Variants in JAK1 observed in about 807,000 individuals in gnomAD.
The protein encoded by JAK1 is Janus kinase 1.
In JAK1, 16 loss-of-function variants were observed where a neutral mutation model predicts 136.6. The ratio of observed to expected loss-of-function variants is 0.12; its 90% CI spans 0.08 to 0.18. JAK1 has a LOEUF of 0.18. Among genes scored for constraint, JAK1 ranks in the 10% least tolerant of loss-of-function variants. JAK1 has a pLI of 1.00. For synonymous variants in JAK1, 492 were observed against 519.5 expected (o/e 0.95, Z 0.72); for missense variants, 859 against 1,450.1 (o/e 0.59, Z 6.62).
At chr1:64,966,723 C>G (rs1358963479), upstream of JAK1, among the ~76,000 whole-genome samples, 3 of 150,138 alleles carry the variant, frequency 2.0e-5, no homozygotes, top group South Asian at 4.2e-4. Context: ...CGGCTTCGCT[C>G]GCGAAGCTGC....
chr1:64,858,657 G>C (rs1457369858), intron 9 of JAK1, among the ~76,000 whole-genome samples: 2 of 152,206 alleles, frequency 1.3e-5, no homozygotes, highest in African/African-American at 4.8e-5. Context: ...CCCTGTGTGT[G>C]CTAAGAAAGC....
chr1:65,022,836 A>T (rs1646948102), intron 2 of JAK1: 1 of 152,164 alleles, frequency 6.6e-6, no homozygotes, highest in South Asian at 2.1e-4. Flanking sequence ...CAAAGGAGAA[A>T]CTAATCAGGG....
At chr1:64,982,102 GCACACACACACGCACACACACGCACACA>G (rs1406555570) in intron 2 of JAK1, among the ~76,000 whole-genome samples, 2 of 129,546 alleles carry the variant, frequency 1.5e-5, no homozygotes, top group African/African-American at 3.2e-5. Flanking sequence ...ACACACACAC[GCACACACACACGCACACACACGCACACA>G]CACACACATA....
chr1:65,022,777 T>C (rs1470463066), intron 2 of JAK1, among the ~76,000 whole-genome samples: 3 of 152,178 alleles, frequency 2.0e-5, no homozygotes, highest in Admixed American at 1.3e-4. Context: ...AAAATATTCA[T>C]TGGGAAAAAT....
intron 2 of JAK1, chr1:64,985,313 A>G: frequency 6.2e-7 from 1 of 1,610,642 alleles, no homozygotes; most frequent in Non-Finnish European, 8.5e-7. Flanking sequence ...TGGATACTCT[A>G]AAGAGCTCCA....
intron 1 of JAK1, among the ~76,000 whole-genome samples, chr1:65,053,645 G>C (rs12738806): frequency 0.66 from 101,138 of 152,124 alleles, 34,907 homozygotes; most frequent in Non-Finnish European, 0.76. Context: ...GAGCCCAGGA[G>C]TTCAAGATCA....
In JAK1 at chr1:65,017,155, A is replaced by T. The variant is rs368955844; in HGVS notation, c.-78+27325T>A. On this transcript the variant is annotated intron_variant, in intron 2 of 25. Transcript: ENST00000671954. Reference sequence around the variant, plus strand: ...AAATTAAAAAATACATCTCCCGATAATTGATAGAACAAGAAAAATCATTAA... The same window carrying T: ...AAATTAAAAAATACATCTCCCGATATTTGATAGAACAAGAAAAATCATTAA... Among the ~76,000 whole-genome samples, 30 of 152,296 alleles carry T rather than the reference A, an allele frequency of 2.0e-4. No individual in the cohort carries two copies. In the East Asian group the frequency reaches 4.6e-3, roughly 23 times the overall value.
intron 1 of JAK1, among the ~76,000 whole-genome samples, chr1:64,935,168 A>T (rs1445364015): frequency 6.6e-6 from 1 of 152,190 alleles, no homozygotes; most frequent in Non-Finnish European, 1.5e-5. Context: ...TTCCAATCTC[A>T]CATCCACCAG....
At chr1:64,992,826 T>G (rs1182077514) in intron 2 of JAK1, 1 of 150,504 alleles carries the variant, frequency 6.6e-6, no homozygotes, top group Non-Finnish European at 1.5e-5. Flanking sequence ...GAGGTGGAGC[T>G]TGCAGTGAGC....
chr1:65,008,114 C>A (rs1243497105), intron 2 of JAK1, among the ~76,000 whole-genome samples: 1 of 152,134 alleles, frequency 6.6e-6, no homozygotes, highest in Non-Finnish European at 1.5e-5. Context: ...TTGGTGACAA[C>A]CCCTGATCCA....
chr1:64,906,954 T>C (rs1419542707), intron 1 of JAK1, among the ~76,000 whole-genome samples: 1 of 147,942 alleles, frequency 6.8e-6, no homozygotes, highest in Non-Finnish European at 1.5e-5. Flanking sequence ...TAAATGCACA[T>C]ACTCAAAACT....
chr1:64,866,972 G>A lies in JAK1; in HGVS notation c.884C>T (p.Ser295Leu), dbSNP rs2101114398. 1.2e-5 allele frequency: 20 copies of A among 1,614,158 alleles called. No individual in the cohort carries two copies. Among genetic ancestry groups the A allele is most frequent in the Non-Finnish European group, 1.7e-5 (20 of 1,179,966 alleles). ...IFETSMLLIS[S>L]ENEMNWFHSN... The stretch of plus-strand genomic sequence containing the variant: ...ATGAAACCAATTCATCTCATTTTCT[G>A]ATGAAATCAGTAACATGGAAGTCTC... The change falls in exon 7 of 25, where the codon TCA (serine) becomes TTA (leucine). Residue 295 changes from serine (S) to leucine (L), a missense_variant. Around this residue, in one of 4 missense-constraint regions of JAK1, gnomAD observed 353 missense variants for 494.0 expected, o/e 0.71. Coordinates refer to ENST00000342505, the MANE Select transcript of JAK1 (RefSeq NM_002227.4).
intron 1 of JAK1, among the ~76,000 whole-genome samples, chr1:64,929,342 C>T (rs1645648971): frequency 6.6e-6 from 1 of 152,220 alleles, no homozygotes; most frequent in East Asian, 1.9e-4. Context: ...TCCCCCTATT[C>T]ATCTTTCAGG....
At chr1:64,966,209 C>T (rs991724457) in intron 1 of JAK1, 124 bp downstream of exon 1, 2 of 151,850 alleles carry the variant, frequency 1.3e-5, no homozygotes, top group Non-Finnish European at 2.9e-5. Flanking sequence ...AGGAGCAGCC[C>T]GGGCCGCGCA....
intron 8 of JAK1, among the ~76,000 whole-genome samples, chr1:64,860,687 C>T (rs1215757733): frequency 6.6e-6 from 1 of 151,994 alleles, no homozygotes; most frequent in Non-Finnish European, 1.5e-5. Flanking sequence ...CTCCTGACCT[C>T]GAGTGATCTC....
At position 64,988,079 on chromosome 1, in the gene JAK1, T is replaced by G. The variant is rs377288388; in HGVS notation, c.-78+56401A>C. Among the ~76,000 whole-genome samples, 30 of 152,318 alleles carry G rather than the reference T, an allele frequency of 2.0e-4. 5 individuals carry two copies. Among genetic ancestry groups the G allele is most frequent in the Admixed American group, 3.3e-4 (5 of 15,300 alleles). On this transcript the variant is annotated intron_variant, in intron 2 of 25. Coordinates refer to the JAK1 transcript ENST00000671954. ...TTCCCTGGCTCATGAGAGTCAATTATGTGTGTGTTTTCTCAAGCCGCATTA... is the reference window on the plus strand; with the variant it reads ...TTCCCTGGCTCATGAGAGTCAATTAGGTGTGTGTTTTCTCAAGCCGCATTA...
intron 3 of JAK1, 39 bp from the exon 4 acceptor site, chr1:64,879,187 G>A (rs374270738): frequency 5.8e-5 from 94 of 1,610,576 alleles, no homozygotes; most frequent in Non-Finnish European, 6.9e-5. Context: ...AAATCAAGGC[G>A]GATACATTTG....
chr1:64,942,982 T>C (rs908764885), intron 1 of JAK1, among the ~76,000 whole-genome samples: 2 of 152,224 alleles, frequency 1.3e-5, no homozygotes, highest in African/African-American at 2.4e-5. Context: ...TTAAATACTA[T>C]ATTTAATCCA....
At chr1:65,005,097 GAAAC>G (rs577057098) in intron 2 of JAK1, among the ~76,000 whole-genome samples, 4 of 152,060 alleles carry the variant, frequency 2.6e-5, no homozygotes, top group Admixed American at 2.0e-4. Flanking sequence ...CTGAACTCAA[GAAAC>G]AAACAAACAA....
Sources: allele counts gnomAD v4.1 joint callset (sites outside exome capture counted in the v4.1 genomes callset), GRCh38; gene constraint gnomAD v4.1.1; regional missense constraint gnomAD v4.1.1; transcripts MANE v1.5; gene names NCBI Gene and HGNC (gene_info 2026-07-23, HGNC 2026-07-21).